The following NAA20 variants were observed in gnomAD, a reference collection of about 807,000 sequenced individuals.
NAA20 encodes the protein N-alpha-acetyltransferase 20.
A neutral mutation model predicts 23.8 loss-of-function variants in NAA20; 24 were observed. The observed-to-expected ratio is 1.01, with a 90% CI of 0.73 to 1.42. The LOEUF (loss-of-function observed/expected upper bound fraction) is 1.42, where lower values mean the gene tolerates loss of function less well. NAA20 is among the 40% of genes most tolerant of loss of function. The pLI is 0.00. For missense variants in NAA20, 166 were observed against 223.1 expected (o/e 0.74, Z 1.63); for synonymous variants, 83 against 77.7 (o/e 1.07, Z -0.36).
At chr20:20,026,726 ATATT>A in intron 3 of NAA20, 54 bp from the exon 4 acceptor site, 2 of 1,597,290 alleles carry the variant, frequency 1.3e-6, no homozygotes, top group South Asian at 2.2e-5. Flanking sequence ...CAGTAATTCT[ATATT>A]TATGTGTAAA....
Position 20,020,062 on chromosome 20 carries a change from A to G in NAA20, c.54-2394A>G, listed in dbSNP as rs182416564. Among the ~76,000 whole-genome samples, 31 of 152,354 alleles carry G rather than the reference A, an allele frequency of 2.0e-4. No homozygotes were observed. In the Middle Eastern group the frequency reaches 0.01, roughly 50 times the overall value. ...AATATTTGAGTGCCTACTGTGTGCC[A>G]GTTCTAGAGACACAGCAGTGAACAA... On this transcript the variant is annotated intron_variant, in intron 1 of 5. Coordinates refer to ENST00000334982, the MANE Select transcript of NAA20 (RefSeq NM_016100.5).
intron 2 of NAA20, among the ~76,000 whole-genome samples, chr20:20,024,466 C>T (rs1019029326): frequency 1.3e-5 from 2 of 152,134 alleles, no homozygotes; most frequent in African/African-American, 4.8e-5. Flanking sequence ...GCAGGTTCAT[C>T]TGGATTTTTT....
intron 1 of NAA20, chr20:20,017,673 G>T: frequency 7.1e-7 from 1 of 1,401,014 alleles, no homozygotes. Context: ...CCTTGGCCGA[G>T]GTGCTCAAAC....
At chr20:20,029,961 G>A (rs939177047) in intron 4 of NAA20, among the ~76,000 whole-genome samples, 3 of 152,118 alleles carry the variant, frequency 2.0e-5, no homozygotes, top group Non-Finnish European at 4.4e-5. Context: ...AGCAAAATAG[G>A]TTATAAGCCA....
At position 20,033,317 on chromosome 20, in the gene NAA20, G is replaced by T; in HGVS notation, c.*130G>T. 1 of 662,552 alleles carries T rather than the reference G, an allele frequency of 1.5e-6. No individual in the cohort carries two copies. Among genetic ancestry groups the T allele is most frequent in the Non-Finnish European group, 2.5e-6 (1 of 393,346 alleles). The allele number at this position is 662,552 out of a possible 1,614,324, so 41.0% of individuals were successfully genotyped here. ...GTCTTAAAGACTTCAAGAAAATACAGGTTATCAATTTATTTTAAATCTCAT... is the reference window on the plus strand; with the variant it reads ...GTCTTAAAGACTTCAAGAAAATACATGTTATCAATTTATTTTAAATCTCAT... On this transcript the variant is annotated 3_prime_UTR_variant, in exon 6 of 6. Transcript: ENST00000334982.
At position 20,017,412 on chromosome 20, in the gene NAA20, G is replaced by A. The variant is rs74322723; in HGVS notation, c.16G>A (p.Ala6Thr). MTTLR[A>T]FTCDDLFRFN... ...CGGCGGCGCGATGACCACGCTACGG[G>A]CCTTTACCTGCGACGACCTGTTCCG... is the stretch of plus-strand genomic sequence containing the variant. The change falls in exon 1 of 6, where the codon GCC becomes ACC. Residue 6 changes from alanine (A) to threonine (T), a missense_variant. Physicochemically the swap from Ala to Thr is moderately conservative, Grantham distance 58. Coordinates refer to ENST00000334982, the MANE Select transcript of NAA20 (RefSeq NM_016100.5). The A allele has an allele frequency of 3.1e-5, 50 of 1,611,964 alleles. No homozygotes were observed. The African/African-American group carries it at 6.4e-4, about 21-fold the overall frequency.
chr20:20,017,737 G>A lies in NAA20; in HGVS notation c.53+288G>A, dbSNP rs1278643953. The A allele has an allele frequency of 7.8e-5, 111 of 1,431,536 alleles. No homozygotes were observed. In the East Asian group the frequency reaches 2.7e-3, roughly 35 times the overall value. The allele number at this position is 1,431,536 out of a possible 1,614,324, so 88.7% of individuals were successfully genotyped here. The stretch of plus-strand genomic sequence containing the variant: ...GTTCTGGGGCAGCGCTCGGGCCTCC[G>A]CTCGTGGTCGCTGTCAGGAGGCGCT... On this transcript the variant is annotated intron_variant, in intron 1 of 5. Transcript: ENST00000334982.
chr20:20,017,354 C>T (rs781346426), upstream of NAA20: 12 of 1,608,212 alleles, frequency 7.5e-6, no homozygotes, highest in African/African-American at 2.7e-5. Context: ...GCAGGGCGGG[C>T]GCGGGGTCTT....
At chr20:20,029,882 T>G (rs915218550) in intron 4 of NAA20, among the ~76,000 whole-genome samples, 1 of 122,188 alleles carries the variant, frequency 8.2e-6, no homozygotes, top group Non-Finnish European at 1.7e-5. Flanking sequence ...TTACATAGTT[T>G]TTTGTTTTGT....
chr20:20,022,553 A>G (rs551137510), intron 2 of NAA20, 73 bp downstream of exon 2: 4 of 1,343,934 alleles, frequency 3.0e-6, no homozygotes, highest in East Asian at 2.4e-5. Context: ...AATGAAAGGA[A>G]AACAGAGGAG....
In NAA20 at chr20:20,024,865, C is replaced by T. The variant is rs2043296937; in HGVS notation, c.79-812C>T. Reference sequence around the variant, plus strand: ...AGAATTTCGCACGGAACAGGTTTTCCAGGAACTTAAAAAATATATTTATGT... The same window carrying T: ...AGAATTTCGCACGGAACAGGTTTTCTAGGAACTTAAAAAATATATTTATGT... On this transcript the variant is annotated intron_variant, in intron 2 of 5. Coordinates refer to ENST00000334982, the MANE Select transcript of NAA20 (RefSeq NM_016100.5). Among the ~76,000 whole-genome samples the T allele has an allele frequency of 1.3e-5, 2 of 152,146 alleles. 1 individual carries two copies. The highest frequency in any genetic ancestry group is 1.3e-4 in the Admixed American group (2 of 15,278).
In NAA20 at chr20:20,026,771, T is replaced by C; in HGVS notation, c.170-13T>C. 1 of 1,612,512 alleles carries C rather than the reference T, an allele frequency of 6.2e-7. No homozygotes were observed. Among genetic ancestry groups the C allele is most frequent in the Non-Finnish European group, 8.5e-7 (1 of 1,178,730 alleles). On this transcript the variant is annotated splice_polypyrimidine_tract_variant and intron_variant, in intron 3 of 5. Coordinates refer to ENST00000334982, the MANE Select transcript of NAA20 (RefSeq NM_016100.5). Reference sequence around the variant, plus strand: ...GTCTAGTTACTGAATGTGATTTTTGTTGTTGTTGGCAGTTATGGGTAAAGC... The same window carrying C: ...GTCTAGTTACTGAATGTGATTTTTGCTGTTGTTGGCAGTTATGGGTAAAGC...
intron 4 of NAA20, 111 bp downstream of exon 4, chr20:20,027,030 C>G (rs902362645): frequency 4.4e-6 from 6 of 1,354,732 alleles, no homozygotes; most frequent in Non-Finnish European, 6.2e-6. Flanking sequence ...ATTTCATCTT[C>G]CATCTCCAGT....
intron 4 of NAA20, among the ~76,000 whole-genome samples, chr20:20,030,226 C>T (rs746721529): frequency 1.3e-5 from 2 of 152,026 alleles, no homozygotes; most frequent in African/African-American, 2.4e-5. Context: ...TGCAAAATCT[C>T]GGAAAAATAA....
chr20:20,020,989 G>C (rs768096863), intron 1 of NAA20, among the ~76,000 whole-genome samples: 18 of 146,310 alleles, frequency 1.2e-4, no homozygotes, highest in Non-Finnish European at 2.4e-4. Flanking sequence ...ATTGACAGGA[G>C]AGCAAGTAGC....
Position 20,033,235 on chromosome 20 carries a change from A to G in NAA20, c.*48A>G. ...AGATACTCTAGATGCTTTATGGACA[A>G]TATTATTTTCATTGGATGATTCTGG... On this transcript the variant is annotated 3_prime_UTR_variant, in exon 6 of 6. Coordinates refer to ENST00000334982, the MANE Select transcript of NAA20 (RefSeq NM_016100.5). 2 of 1,423,256 alleles carry G rather than the reference A, an allele frequency of 1.4e-6. No homozygotes were observed. The highest frequency in any genetic ancestry group is 2.0e-6 in the Non-Finnish European group (2 of 1,013,808). The allele number at this position is 1,423,256 out of a possible 1,614,324, so 88.2% of individuals were successfully genotyped here.
At chr20:20,022,843 A>G (rs1395306951) in intron 2 of NAA20, among the ~76,000 whole-genome samples, 1 of 152,178 alleles carries the variant, frequency 6.6e-6, no homozygotes, top group Non-Finnish European at 1.5e-5. Flanking sequence ...CAGGCAGGTG[A>G]TGCTTCCATG....
At chr20:20,028,695 T>C (rs2043322796) in intron 4 of NAA20, among the ~76,000 whole-genome samples, 3 of 152,198 alleles carry the variant, frequency 2.0e-5, no homozygotes. Context: ...ATGATACATA[T>C]ACATATGCTT....
intron 1 of NAA20, chr20:20,018,141 C>A: frequency 6.5e-7 from 1 of 1,543,168 alleles, no homozygotes; most frequent in Non-Finnish European, 8.9e-7. Flanking sequence ...GCTCGCTGTG[C>A]CCAGAGCCCT....
Sources: gnomAD v4.1 joint callset for allele counts (sites outside exome capture counted in the v4.1 genomes callset) on GRCh38, gnomAD v4.1.1 for gene constraint, MANE v1.5 for transcripts, NCBI Gene and HGNC (gene_info 2026-07-23, HGNC 2026-07-21) for gene names.